The following CDK19 variants were observed in gnomAD, a reference collection of about 807,000 sequenced individuals.
CDK19 encodes cyclin-dependent kinase 19.
Under a neutral mutation model 68.3 loss-of-function variants are expected in CDK19, and 20 were observed. The observed-to-expected ratio is 0.29, with a 90% CI of 0.21 to 0.43. The LOEUF (loss-of-function observed/expected upper bound fraction) is 0.43, where lower values mean the gene tolerates loss of function less well. Ranked by LOEUF, CDK19 falls within the 20% of genes least tolerant of loss-of-function variation. The pLI, the probability that CDK19 is intolerant of heterozygous loss-of-function variation, is 1.00. For synonymous variants in CDK19, 221 were observed against 222.8 expected (o/e 0.99, Z 0.07); for missense variants, 339 against 623.5 (o/e 0.54, Z 4.86).
At chr6:110,806,782 A>C (rs1782709694) in intron 1 of CDK19, among the ~76,000 whole-genome samples, 1 of 152,010 alleles carries the variant, frequency 6.6e-6, no homozygotes, top group South Asian at 2.1e-4. Context: ...GTTCGAGACC[A>C]GCCTGGCCAA....
chr6:110,639,122 A>G (rs867687831), intron 4 of CDK19, among the ~76,000 whole-genome samples: 29 of 152,258 alleles, frequency 1.9e-4, no homozygotes, highest in Admixed American at 1.3e-3. Flanking sequence ...AAATATTTCT[A>G]AACTACCGTA....
chr6:110,744,468 G>A (rs1405586174), intron 2 of CDK19, among the ~76,000 whole-genome samples: 2 of 152,062 alleles, frequency 1.3e-5, no homozygotes, highest in Non-Finnish European at 2.9e-5. Context: ...GGGGTTCAAG[G>A]TTACAGTGAG....
chr6:110,646,692 G>T, intron 4 of CDK19: 1 of 448,636 alleles, frequency 2.2e-6, no homozygotes, highest in Non-Finnish European at 3.9e-6. Flanking sequence ...GGAATTTCTG[G>T]AATCTCGTTC....
chr6:110,794,406 C>CTT lies in CDK19; in HGVS notation c.128+20601_128+20602dup, dbSNP rs58569860. Among the ~76,000 whole-genome samples the CTT allele has an allele frequency of 1.9e-3, 247 of 131,998 alleles. 3 individuals carry two copies. Among genetic ancestry groups the CTT allele is most frequent in the East Asian group, 7.0e-3 (30 of 4,310 alleles). 86.6% of individuals were successfully genotyped at this position (131,998 alleles called of 152,430 possible). On this transcript the variant is annotated intron_variant, in intron 1 of 12. Transcript: ENST00000368911. ...CTCTCCTCTCTCCAGTAGTTTGAAACTTTTTTTTTTTTTTTGAGACGCGTC... is the reference window on the plus strand; with the variant it reads ...CTCTCCTCTCTCCAGTAGTTTGAAACTTTTTTTTTTTTTTTTTGAGACGCGTC...
chr6:110,664,378 C>T (rs889646339), intron 4 of CDK19, among the ~76,000 whole-genome samples: 1 of 152,196 alleles, frequency 6.6e-6, no homozygotes, highest in Non-Finnish European at 1.5e-5. Context: ...CTGTACTTCT[C>T]ATGTAGCTAC....
chr6:110,789,885 C>T (rs1781475488), intron 1 of CDK19, among the ~76,000 whole-genome samples: 1 of 152,094 alleles, frequency 6.6e-6, no homozygotes, highest in African/African-American at 2.4e-5. Context: ...TGCAAATCTC[C>T]AAAAAATTTT....
chr6:110,655,200 T>TA (rs1167450776), intron 4 of CDK19, among the ~76,000 whole-genome samples: 3 of 151,686 alleles, frequency 2.0e-5, no homozygotes, highest in Admixed American at 2.0e-4. Flanking sequence ...ACCCTGTCTC[T>TA]ACTAAAAATA....
At chr6:110,735,313 C>CAA (rs778537046) in intron 2 of CDK19, among the ~76,000 whole-genome samples, 1 of 150,030 alleles carries the variant, frequency 6.7e-6, no homozygotes, top group Non-Finnish European at 1.5e-5. Flanking sequence ...TCTTCTACTA[C>CAA]AAAAAAAAAC....
intron 4 of CDK19, among the ~76,000 whole-genome samples, chr6:110,649,499 A>G (rs2114857074): frequency 6.6e-6 from 1 of 152,298 alleles, no homozygotes; most frequent in East Asian, 1.9e-4. Flanking sequence ...ATAATAAAAG[A>G]AAAGACTGAT....
intron 2 of CDK19, among the ~76,000 whole-genome samples, chr6:110,676,780 A>G (rs1366167318): frequency 6.6e-6 from 1 of 152,276 alleles, no homozygotes. Context: ...TGTAAACTAT[A>G]GTATAATAAA....
At chr6:110,810,445 G>C (rs761673372) in intron 1 of CDK19, among the ~76,000 whole-genome samples, 33 of 152,152 alleles carry the variant, frequency 2.2e-4, no homozygotes, top group Non-Finnish European at 4.1e-4. Flanking sequence ...ATGGCCAAAA[G>C]TGTTGACAGT....
At chr6:110,711,348 T>A (rs1774925524) in intron 2 of CDK19, among the ~76,000 whole-genome samples, 1 of 152,222 alleles carries the variant, frequency 6.6e-6, no homozygotes, top group Non-Finnish European at 1.5e-5. Flanking sequence ...AAGAAGAGCT[T>A]GGCTTGACAA....
intron 5 of CDK19, among the ~76,000 whole-genome samples, chr6:110,632,977 T>C (rs1779536004): frequency 6.6e-6 from 1 of 151,920 alleles, no homozygotes; most frequent in African/African-American, 2.4e-5. Context: ...TTCCAGCACT[T>C]TGGGAGGCCG....
At chr6:110,634,319 C>T (rs766473873) in intron 5 of CDK19, among the ~76,000 whole-genome samples, 10 of 152,090 alleles carry the variant, frequency 6.6e-5, no homozygotes, top group Non-Finnish European at 1.0e-4. Context: ...TAGGTTCAAG[C>T]GATTCTCCTG....
intron 4 of CDK19, among the ~76,000 whole-genome samples, chr6:110,647,485 T>TA (rs1166602259): frequency 2.0e-5 from 3 of 152,036 alleles, no homozygotes; most frequent in African/African-American, 7.2e-5. Context: ...AAAGTGCAAA[T>TA]AAACTACATT....
At chr6:110,813,115 A>C (rs911207404) in intron 1 of CDK19, 5 of 152,016 alleles carry the variant, frequency 3.3e-5, no homozygotes, top group Non-Finnish European at 7.4e-5. Flanking sequence ...TCTAGTAAAG[A>C]AGCTTTATTA....
chr6:110,796,349 CAAAT>C (rs1164061712), intron 1 of CDK19, among the ~76,000 whole-genome samples: 1 of 151,424 alleles, frequency 6.6e-6, no homozygotes, highest in Non-Finnish European at 1.5e-5. Flanking sequence ...AACAAACAAA[CAAAT>C]AAATAAATAA....
intron 5 of CDK19, among the ~76,000 whole-genome samples, chr6:110,636,701 T>C (rs1021819963): frequency 1.3e-5 from 2 of 152,104 alleles, no homozygotes; most frequent in Non-Finnish European, 2.9e-5. Context: ...AGAGTGAACA[T>C]CATGTGTTCT....
At chr6:110,775,611 G>C (rs966392274) in intron 1 of CDK19, among the ~76,000 whole-genome samples, 3 of 152,100 alleles carry the variant, frequency 2.0e-5, no homozygotes, top group Non-Finnish European at 4.4e-5. Context: ...AAAAATTAAG[G>C]ATTTAATCAG....
Sources: gnomAD v4.1 joint callset for allele counts (sites outside exome capture counted in the v4.1 genomes callset) on GRCh38, gnomAD v4.1.1 for gene constraint, MANE v1.5 for transcripts, NCBI Gene and HGNC (gene_info 2026-07-23, HGNC 2026-07-21) for gene names.